The following RGS17 variants were observed in gnomAD, a reference collection of about 807,000 sequenced individuals.
The protein encoded by RGS17 is regulator of G protein signaling 17.
Under a neutral mutation model 25.5 loss-of-function variants are expected in RGS17, and 12 were observed. The ratio of observed to expected loss-of-function variants is 0.47; its 90% CI spans 0.30 to 0.76. RGS17 has a LOEUF of 0.76. Ranked by LOEUF, RGS17 falls within the 30% of genes least tolerant of loss-of-function variation. RGS17 has a pLI of 0.07. For missense variants in RGS17, 196 were observed against 242.2 expected (o/e 0.81, Z 1.27); for synonymous variants, 71 against 76.9 (o/e 0.92, Z 0.40).
intron 1 of RGS17, among the ~76,000 whole-genome samples, chr6:153,082,525 T>A (rs1417441456): frequency 1.3e-5 from 2 of 152,224 alleles, no homozygotes; most frequent in Non-Finnish European, 2.9e-5. Context: ...AATTTTTACC[T>A]ATGAGTTTTA....
intron 1 of RGS17, among the ~76,000 whole-genome samples, chr6:153,073,004 T>A (rs1776828199): frequency 6.6e-6 from 1 of 152,172 alleles, no homozygotes; most frequent in South Asian, 2.1e-4. Flanking sequence ...CAAACATGCA[T>A]GTATTAAGTT....
At chr6:153,052,790 C>G (rs1331364125) in intron 1 of RGS17, among the ~76,000 whole-genome samples, 1 of 152,100 alleles carries the variant, frequency 6.6e-6, no homozygotes, top group African/African-American at 2.4e-5. Flanking sequence ...GTGTCCTCCT[C>G]AAACACATAT....
At chr6:153,011,988 T>C (rs140461167) in intron 4 of RGS17, among the ~76,000 whole-genome samples, 197 of 152,310 alleles carry the variant, frequency 1.3e-3, no homozygotes, top group Non-Finnish European at 2.1e-3. Flanking sequence ...AAATTTAGTT[T>C]ACAGATGTCT....
chr6:153,129,594 T>C (rs544147058), intron 1 of RGS17, among the ~76,000 whole-genome samples: 1 of 152,314 alleles, frequency 6.6e-6, no homozygotes, highest in African/African-American at 2.4e-5. Context: ...AAAACCAGTA[T>C]GTATGAACGC....
At chr6:153,104,634 A>T (rs1169813499) in intron 1 of RGS17, among the ~76,000 whole-genome samples, 1 of 152,204 alleles carries the variant, frequency 6.6e-6, no homozygotes, top group Non-Finnish European at 1.5e-5. Flanking sequence ...CTATTTTAGT[A>T]CCTAGGATAC....
intron 1 of RGS17, among the ~76,000 whole-genome samples, chr6:153,052,448 G>A (rs1188884706): frequency 2.0e-5 from 3 of 152,048 alleles, no homozygotes; most frequent in African/African-American, 4.8e-5. Flanking sequence ...ACTGTAGTTT[G>A]GAAGCACATA....
intron 1 of RGS17, among the ~76,000 whole-genome samples, chr6:153,104,823 CAAA>C (rs113931901): frequency 4.6e-5 from 4 of 87,518 alleles, no homozygotes; most frequent in Non-Finnish European, 2.3e-5. Context: ...ACTCTTGTCT[CAAA>C]AAAAAAAAAA....
intron 1 of RGS17, among the ~76,000 whole-genome samples, chr6:153,123,960 C>T (rs1777672317): frequency 6.6e-6 from 1 of 152,154 alleles, no homozygotes; most frequent in African/African-American, 2.4e-5. Context: ...GTTAAGCCTC[C>T]AGTCTGTTGT....
intron 4 of RGS17, among the ~76,000 whole-genome samples, chr6:153,020,375 G>A (rs112689603): frequency 2.0e-5 from 3 of 151,104 alleles, no homozygotes; most frequent in African/African-American, 4.9e-5. Flanking sequence ...GGCTGGTCTC[G>A]AATGCCCGAC....
At chr6:153,088,527 T>C (rs1230352503) in intron 1 of RGS17, among the ~76,000 whole-genome samples, 2 of 152,234 alleles carry the variant, frequency 1.3e-5, no homozygotes, top group Non-Finnish European at 2.9e-5. Context: ...ATATGTCTAA[T>C]TGTTTCCTTT....
chr6:153,112,537 G>A (rs1777487491), intron 1 of RGS17, among the ~76,000 whole-genome samples: 1 of 152,152 alleles, frequency 6.6e-6, no homozygotes, highest in Non-Finnish European at 1.5e-5. Flanking sequence ...AACCTATCAA[G>A]ACAAGCCAAC....
intron 1 of RGS17, among the ~76,000 whole-genome samples, chr6:153,083,263 T>G (rs768411591): frequency 6.6e-6 from 1 of 152,190 alleles, no homozygotes; most frequent in South Asian, 2.1e-4. Flanking sequence ...GAGAAAACAT[T>G]TGTGTCTTGT....
In RGS17 at chr6:153,009,228, A is replaced by T. The variant is rs1039423257; in HGVS notation, c.*2346T>A. The T allele has an allele frequency of 1.2e-4, 19 of 152,160 alleles. No homozygotes were observed. The highest frequency in any genetic ancestry group is 4.3e-4 in the African/African-American group (18 of 41,450). The allele number at this position is 152,160 out of a possible 1,614,324, so 9.4% of individuals were successfully genotyped here. ...AACTTATGACTAGCAGGTCACCATC[A>T]TATATAGTAACAACGAGAATATAAA... On this transcript the variant is annotated 3_prime_UTR_variant, in exon 5 of 5. Coordinates refer to ENST00000206262, the MANE Select transcript of RGS17 (RefSeq NM_012419.5).
chr6:153,058,259 A>G (rs2129114035), intron 1 of RGS17, among the ~76,000 whole-genome samples: 1 of 152,308 alleles, frequency 6.6e-6, no homozygotes, highest in East Asian at 1.9e-4. Flanking sequence ...AGTGCTACAG[A>G]TGTTGAAGGT....
chr6:153,039,716 T>C (rs899582924), intron 2 of RGS17, among the ~76,000 whole-genome samples: 7 of 152,244 alleles, frequency 4.6e-5, no homozygotes, highest in African/African-American at 1.4e-4. Context: ...AAGCTCATAA[T>C]AAACTTTGAA....
At chr6:153,111,184 C>A (rs796458144) in intron 1 of RGS17, among the ~76,000 whole-genome samples, 53 of 152,352 alleles carry the variant, frequency 3.5e-4, no homozygotes, top group African/African-American at 1.3e-3. Context: ...GCAAGCTAAG[C>A]TCCACTGGCT....
rs1457255847 is a variant in RGS17 at position 153,008,921 on chromosome 6, G to A, written c.*2653C>T. The A allele has an allele frequency of 3.3e-5, 5 of 152,088 alleles. No homozygotes were observed. The highest frequency in any genetic ancestry group is 4.4e-5 in the Non-Finnish European group (3 of 67,984). The allele number at this position is 152,088 out of a possible 1,614,324, so 9.4% of individuals were successfully genotyped here. On this transcript the variant is annotated 3_prime_UTR_variant, in exon 5 of 5. Coordinates refer to ENST00000206262, the MANE Select transcript of RGS17 (RefSeq NM_012419.5). ...CAAATATACAGACATACTCTTAAAT[G>A]AGAAACCCTCCCCTCACCCAAAAAT...
intron 1 of RGS17, among the ~76,000 whole-genome samples, chr6:153,074,097 C>T (rs970458637): frequency 1.3e-5 from 2 of 152,028 alleles, no homozygotes; most frequent in Admixed American, 6.6e-5. Flanking sequence ...TCATGTCACT[C>T]GATATATAAA....
At chr6:153,037,362 C>A (rs1776261450) in intron 2 of RGS17, among the ~76,000 whole-genome samples, 1 of 152,106 alleles carries the variant, frequency 6.6e-6, no homozygotes, top group Non-Finnish European at 1.5e-5. Context: ...AATCCATCAC[C>A]CATTCAACAA....
Sources: allele counts gnomAD v4.1 joint callset (sites outside exome capture counted in the v4.1 genomes callset), GRCh38; gene constraint gnomAD v4.1.1; transcripts MANE v1.5; gene names NCBI Gene and HGNC (gene_info 2026-07-23, HGNC 2026-07-21).